Variants in SGIP1 observed in about 807,000 individuals in gnomAD.
SGIP1 encodes the protein SH3-containing GRB2-like protein 3-interacting protein 1.
In SGIP1, 38 loss-of-function variants were observed where a neutral mutation model predicts 107.5. The ratio of observed to expected loss-of-function variants is 0.35; its 90% CI spans 0.27 to 0.46. SGIP1 has a LOEUF of 0.46. SGIP1 is among the 20% of genes least tolerant of loss of function. SGIP1 has a pLI of 1.00. For synonymous variants in SGIP1, 365 were observed against 366.1 expected (o/e 1.00, Z 0.03); for missense variants, 929 against 1,019.5 (o/e 0.91, Z 1.21).
chr1:66,718,420 G>T (rs1431478385), intron 18 of SGIP1, among the ~76,000 whole-genome samples: 4 of 152,074 alleles, frequency 2.6e-5, no homozygotes, highest in Admixed American at 6.6e-5. Flanking sequence ...TGGGTATAGT[G>T]GGAAAAACAT....
chr1:66,545,301 T>A lies in SGIP1; in HGVS notation c.10+10933T>A, dbSNP rs187731068. Reference sequence around the variant, plus strand: ...GAGCTCCTTGCCATTCTCTTGCCCTTGGACTTGCCATTCCATTCCTTCTCT... The same window carrying A: ...GAGCTCCTTGCCATTCTCTTGCCCTAGGACTTGCCATTCCATTCCTTCTCT... On this transcript the variant is annotated intron_variant, in intron 1 of 24. Coordinates refer to ENST00000371037, the MANE Select transcript of SGIP1 (RefSeq NM_032291.4). Among the ~76,000 whole-genome samples the A allele has an allele frequency of 1.5e-3, 228 of 152,298 alleles. 3 individuals are homozygous for A. The highest frequency in any genetic ancestry group is 5.3e-3 in the African/African-American group (220 of 41,572).
chr1:66,556,198 C>A (rs1165885004), intron 1 of SGIP1, among the ~76,000 whole-genome samples: 2 of 152,096 alleles, frequency 1.3e-5, no homozygotes, highest in African/African-American at 4.8e-5. Context: ...TATTCATAAT[C>A]CCCGGTGATA....
intron 1 of SGIP1, among the ~76,000 whole-genome samples, chr1:66,578,077 A>T (rs1376037973): frequency 7.2e-5 from 11 of 152,038 alleles, no homozygotes; most frequent in Admixed American, 6.6e-4. Flanking sequence ...TTATATTTTA[A>T]TTTTTTTCCA....
Position 66,671,013 on chromosome 1 carries a change from T to A in SGIP1, c.502T>A (p.Leu168Ile). The A allele has an allele frequency of 1.4e-6, 2 of 1,397,974 alleles. No individual in the cohort carries two copies. The highest frequency in any genetic ancestry group is 2.0e-6 in the Non-Finnish European group (2 of 1,011,640). The allele number at this position is 1,397,974 out of a possible 1,614,324, so 86.6% of individuals were successfully genotyped here. The change falls in exon 10 of 25, where the codon TTA becomes ATA. Residue 168 changes from leucine to isoleucine, a missense_variant. Leu to Ile is a conservative substitution (Grantham distance 5). Coordinates refer to ENST00000371037, the MANE Select transcript of SGIP1 (RefSeq NM_032291.4). The stretch of plus-strand genomic sequence containing the variant: ...ATTCTAGGGTGCAATTAAAAGGAAC[T>A]TATCCAGTAAGTATATCTTAGCTAC... Reference protein sequence around the residue: ...RRSPGAIKRNLSSEEVARPRR... With the variant: ...RRSPGAIKRNISSEEVARPRR...
At chr1:66,603,355 T>C (rs2066228186) in intron 1 of SGIP1, among the ~76,000 whole-genome samples, 1 of 152,170 alleles carries the variant, frequency 6.6e-6, no homozygotes, top group Non-Finnish European at 1.5e-5. Flanking sequence ...TCCCATACTT[T>C]CTGAGTGACA....
chr1:66,623,321 C>A (rs2071685879), intron 1 of SGIP1, among the ~76,000 whole-genome samples: 1 of 152,024 alleles, frequency 6.6e-6, no homozygotes, highest in Non-Finnish European at 1.5e-5. Context: ...CTGATCTTGA[C>A]TCACTACAAC....
chr1:66,607,079 C>G (rs982417512), intron 1 of SGIP1, among the ~76,000 whole-genome samples: 3 of 152,154 alleles, frequency 2.0e-5, no homozygotes, highest in African/African-American at 7.2e-5. Flanking sequence ...AACTGTACTA[C>G]GTTGTAAAAG....
At chr1:66,656,349 G>GC (rs1553128151) in intron 7 of SGIP1, among the ~76,000 whole-genome samples, 2 of 152,150 alleles carry the variant, frequency 1.3e-5, no homozygotes, top group Non-Finnish European at 2.9e-5. Context: ...TAGTTAACTT[G>GC]TTTTTTATAA....
chr1:66,606,734 A>G (rs1355010435), intron 1 of SGIP1, among the ~76,000 whole-genome samples: 4 of 152,210 alleles, frequency 2.6e-5, no homozygotes, highest in African/African-American at 7.2e-5. Flanking sequence ...AAGATAATTT[A>G]TCATTCACTG....
chr1:66,714,509 C>G (rs1196472814), intron 18 of SGIP1, among the ~76,000 whole-genome samples: 1 of 152,042 alleles, frequency 6.6e-6, no homozygotes, highest in African/African-American at 2.4e-5. Flanking sequence ...GTGCCCTCAC[C>G]ATCTTGTACA....
intron 1 of SGIP1, among the ~76,000 whole-genome samples, chr1:66,549,175 CT>C (rs2057004566): frequency 1.3e-5 from 2 of 151,464 alleles, no homozygotes; most frequent in African/African-American, 4.8e-5. Context: ...TCCTTCCTTC[CT>C]TCCTTCCTTC....
intron 19 of SGIP1, among the ~76,000 whole-genome samples, chr1:66,720,173 G>A (rs2093453832): frequency 6.6e-6 from 1 of 152,118 alleles, no homozygotes; most frequent in Admixed American, 6.6e-5. Context: ...GTGTGTGCAT[G>A]TGTGCATTAT....
chr1:66,652,417 G>A lies in SGIP1; in HGVS notation c.460-8096G>A, dbSNP rs115416239. Reference sequence around the variant, plus strand: ...AGAGCAGGAGCTGACCTACCCTGGCGTGTAGGCTAGTGCCTTCTCCCTTCC... The same window carrying A: ...AGAGCAGGAGCTGACCTACCCTGGCATGTAGGCTAGTGCCTTCTCCCTTCC... On this transcript the variant is annotated intron_variant, in intron 7 of 24. Coordinates refer to ENST00000371037, the MANE Select transcript of SGIP1 (RefSeq NM_032291.4). 3.1e-3 allele frequency among the ~76,000 whole-genome samples: 465 copies of A among 152,276 alleles called. 1 individual carries two copies. Among genetic ancestry groups the A allele is most frequent in the African/African-American group, 5.8e-3 (240 of 41,564 alleles).
intron 1 of SGIP1, among the ~76,000 whole-genome samples, chr1:66,587,755 C>T (rs995970151): frequency 6.6e-6 from 1 of 152,028 alleles, no homozygotes; most frequent in Non-Finnish European, 1.5e-5. Context: ...AACCACATTG[C>T]CTCTACCTTA....
chr1:66,587,043 A>G (rs2062736394), intron 1 of SGIP1, among the ~76,000 whole-genome samples: 1 of 152,118 alleles, frequency 6.6e-6, no homozygotes, highest in Non-Finnish European at 1.5e-5. Context: ...ACAGTGTCTG[A>G]TAAGAAATCT....
At chr1:66,701,820 C>T (rs1187631732) in intron 18 of SGIP1, among the ~76,000 whole-genome samples, 1 of 152,172 alleles carries the variant, frequency 6.6e-6, no homozygotes, top group African/African-American at 2.4e-5. Flanking sequence ...AGCAAAGTGT[C>T]CCCTGTTTCT....
At chr1:66,604,919 C>T (rs1043925392) in intron 1 of SGIP1, among the ~76,000 whole-genome samples, 2 of 152,178 alleles carry the variant, frequency 1.3e-5, no homozygotes, top group African/African-American at 4.8e-5. Context: ...TTCTACTTCT[C>T]CATTTCTATA....
At chr1:66,624,870 C>G (rs769677426) in intron 1 of SGIP1, among the ~76,000 whole-genome samples, 1 of 152,140 alleles carries the variant, frequency 6.6e-6, no homozygotes, top group Non-Finnish European at 1.5e-5. Flanking sequence ...GGATGGGAAA[C>G]ACAAACAGCC....
At chr1:66,711,713 AGTT>A (rs1211604217) in intron 18 of SGIP1, among the ~76,000 whole-genome samples, 1 of 152,132 alleles carries the variant, frequency 6.6e-6, no homozygotes, top group African/African-American at 2.4e-5. Context: ...TAGGGTGGGC[AGTT>A]GTTTGGCCTG....
Sources: gnomAD v4.1 joint callset for allele counts (sites outside exome capture counted in the v4.1 genomes callset) on GRCh38, gnomAD v4.1.1 for gene constraint, MANE v1.5 for transcripts, NCBI Gene and HGNC (gene_info 2026-07-23, HGNC 2026-07-21) for gene names.